ST6GALNAC3: variants seen among roughly 807,000 people sequenced by gnomAD.
ST6GALNAC3 encodes the protein alpha-N-acetylgalactosaminide alpha-2,6-sialyltransferase 3.
Under a neutral mutation model 32.7 loss-of-function variants are expected in ST6GALNAC3, and 25 were observed. The observed-to-expected ratio is 0.76, with a 90% CI of 0.56 to 1.07. The LOEUF is 1.07. ST6GALNAC3 is among the 50% of genes least tolerant of loss of function. The pLI, the probability that ST6GALNAC3 is intolerant of heterozygous loss-of-function variation, is 0.00. For synonymous variants in ST6GALNAC3, 129 were observed against 133.1 expected, an observed-to-expected ratio of 0.97 and a Z score of 0.21; for missense variants, 355 against 382.4, an observed-to-expected ratio of 0.93 and a Z score of 0.60.
In ST6GALNAC3 at chr1:76,630,276, C is replaced by T. The variant is rs1364525615; in HGVS notation, c.*1470C>T. The T allele has an allele frequency of 2.0e-6, 2 of 985,142 alleles. No individual in the cohort carries two copies. Among genetic ancestry groups the T allele is most frequent in the Non-Finnish European group, 2.4e-6 (2 of 829,812 alleles). The allele number at this position is 985,142 out of a possible 1,614,324, so 61.0% of individuals were successfully genotyped here. On this transcript the variant is annotated 3_prime_UTR_variant, in exon 5 of 5. Coordinates refer to ENST00000328299, the MANE Select transcript of ST6GALNAC3 (RefSeq NM_152996.4). ...CACAAAGGATGGTCTTGGCCATATG[C>T]TAGGGCCCCTGTGAAAATAAGTAGT...
chr1:76,494,596 T>C (rs1328127927), intron 3 of ST6GALNAC3, among the ~76,000 whole-genome samples: 1 of 137,860 alleles, frequency 7.3e-6, no homozygotes, highest in Non-Finnish European at 1.6e-5. Context: ...TTCCCTACTT[T>C]CTTCCACTTA....
chr1:76,433,384 A>T (rs1388433138), intron 3 of ST6GALNAC3, among the ~76,000 whole-genome samples: 1 of 152,156 alleles, frequency 6.6e-6, no homozygotes, highest in Admixed American at 6.5e-5. Flanking sequence ...AATATGCTCT[A>T]AAGTCCAAAA....
At chr1:76,187,263 AC>A (rs1188529326) in intron 1 of ST6GALNAC3, among the ~76,000 whole-genome samples, 1 of 152,102 alleles carries the variant, frequency 6.6e-6, no homozygotes, top group Admixed American at 6.5e-5. Flanking sequence ...TAGCCAAAAT[AC>A]CTTGGTTGTT....
intron 1 of ST6GALNAC3, among the ~76,000 whole-genome samples, chr1:76,203,652 T>C (rs568625100): frequency 2.0e-5 from 3 of 152,344 alleles, no homozygotes; most frequent in South Asian, 2.1e-4. Context: ...GTATTTAGCA[T>C]GTTTATTCAG....
chr1:76,188,149 G>A (rs1024529539), intron 1 of ST6GALNAC3, among the ~76,000 whole-genome samples: 1 of 152,154 alleles, frequency 6.6e-6, no homozygotes, highest in Non-Finnish European at 1.5e-5. Context: ...GGATCACGAG[G>A]TCAGGAGTTC....
At chr1:76,086,602 G>A (rs957816982) in intron 1 of ST6GALNAC3, among the ~76,000 whole-genome samples, 6 of 152,078 alleles carry the variant, frequency 3.9e-5, no homozygotes, top group Non-Finnish European at 8.8e-5. Context: ...CCCAATACAG[G>A]TGTTGCAGGG....
chr1:76,087,487 A>T (rs570621627), intron 1 of ST6GALNAC3, among the ~76,000 whole-genome samples: 3 of 152,344 alleles, frequency 2.0e-5, no homozygotes, highest in African/African-American at 7.2e-5. Context: ...TTCACTGAAC[A>T]TCTAATTTTT....
At chr1:76,155,014 A>C (rs1362024985) in intron 1 of ST6GALNAC3, among the ~76,000 whole-genome samples, 1 of 152,080 alleles carries the variant, frequency 6.6e-6, no homozygotes, top group Non-Finnish European at 1.5e-5. Flanking sequence ...CATTTCCACC[A>C]ATCTTTTTAT....
chr1:76,457,256 A>G (rs1657888884), intron 3 of ST6GALNAC3, among the ~76,000 whole-genome samples: 1 of 152,114 alleles, frequency 6.6e-6, no homozygotes, highest in Non-Finnish European at 1.5e-5. Flanking sequence ...AAGAATCAAT[A>G]TCGTGAAAAT....
intron 2 of ST6GALNAC3, among the ~76,000 whole-genome samples, chr1:76,337,533 C>A (rs1647600185): frequency 6.6e-6 from 1 of 151,972 alleles, no homozygotes; most frequent in Non-Finnish European, 1.5e-5. Context: ...TTCTTTTAAC[C>A]CCTAAAGTGT....
At chr1:76,374,120 G>C (rs754423976) in intron 2 of ST6GALNAC3, among the ~76,000 whole-genome samples, 3 of 152,178 alleles carry the variant, frequency 2.0e-5, no homozygotes, top group Non-Finnish European at 4.4e-5. Flanking sequence ...GAACTCTTTT[G>C]TCAAAGTAAT....
chr1:76,314,272 C>T (rs1313250283), intron 2 of ST6GALNAC3, among the ~76,000 whole-genome samples: 3 of 152,122 alleles, frequency 2.0e-5, no homozygotes, highest in African/African-American at 4.8e-5. Flanking sequence ...TGTGGCACAA[C>T]GTACATATCT....
chr1:76,559,979 G>A (rs1665152915), intron 3 of ST6GALNAC3, among the ~76,000 whole-genome samples: 1 of 152,020 alleles, frequency 6.6e-6, no homozygotes, highest in Non-Finnish European at 1.5e-5. Flanking sequence ...AGAAGCAAAT[G>A]ACATACAATG....
chr1:76,560,498 T>C (rs1441922790), intron 3 of ST6GALNAC3, among the ~76,000 whole-genome samples: 14 of 152,218 alleles, frequency 9.2e-5, no homozygotes, highest in Middle Eastern at 3.4e-3. Context: ...AAAAATCTAA[T>C]AATCCAATTA....
At chr1:76,551,208 A>G (rs1270089348) in intron 3 of ST6GALNAC3, among the ~76,000 whole-genome samples, 2 of 152,166 alleles carry the variant, frequency 1.3e-5, no homozygotes, top group Non-Finnish European at 2.9e-5. Context: ...ATGGTCTTAA[A>G]CATTGTTGAC....
intron 2 of ST6GALNAC3, among the ~76,000 whole-genome samples, chr1:76,319,157 A>T (rs968135422): frequency 6.6e-6 from 1 of 152,092 alleles, no homozygotes; most frequent in African/African-American, 2.4e-5. Context: ...ACCTGATAGG[A>T]TCTTCCCCTT....
At chr1:76,495,591 T>C (rs1166390380) in intron 3 of ST6GALNAC3, among the ~76,000 whole-genome samples, 1 of 152,192 alleles carries the variant, frequency 6.6e-6, no homozygotes, top group Non-Finnish European at 1.5e-5. Flanking sequence ...GCCCCTTTCA[T>C]GTGTTTAAAT....
chr1:76,522,326 G>A (rs1662594339), intron 3 of ST6GALNAC3, among the ~76,000 whole-genome samples: 2 of 151,952 alleles, frequency 1.3e-5, no homozygotes, highest in African/African-American at 4.8e-5. Context: ...TTTATGGATT[G>A]ATACTTTTCT....
intron 1 of ST6GALNAC3, among the ~76,000 whole-genome samples, chr1:76,293,826 C>T (rs960101831): frequency 6.6e-6 from 1 of 151,862 alleles, no homozygotes; most frequent in Admixed American, 6.6e-5. Flanking sequence ...ATTGATGTTG[C>T]GAAAGAACTG....
Sources: allele counts gnomAD v4.1 joint callset (sites outside exome capture counted in the v4.1 genomes callset), GRCh38; gene constraint gnomAD v4.1.1; transcripts MANE v1.5; gene names NCBI Gene and HGNC (gene_info 2026-07-23, HGNC 2026-07-21).